TNRC6B: variants seen among roughly 807,000 people sequenced by gnomAD.
TNRC6B encodes the protein trinucleotide repeat-containing gene 6B protein.
In TNRC6B, 52 loss-of-function variants were observed where a neutral mutation model predicts 203.6. The ratio of observed to expected loss-of-function variants is 0.26; its 90% confidence interval spans 0.20 to 0.32. The LOEUF (loss-of-function observed/expected upper bound fraction) is 0.32, where lower values mean the gene tolerates loss of function less well. Ranked by LOEUF, TNRC6B falls within the 10% of genes least tolerant of loss-of-function variation. The pLI is 1.00. For synonymous variants in TNRC6B, 838 were observed against 845.7 expected (o/e 0.99, Z 0.16); for missense variants, 1,923 against 2,286.2 (o/e 0.84, Z 3.24).
chr22:40,245,032 T>C (rs1212272940), intron 1 of TNRC6B, among the ~76,000 whole-genome samples: 3 of 152,242 alleles, frequency 2.0e-5, no homozygotes, highest in African/African-American at 4.8e-5. Context: ...TTAATTCATG[T>C]GTACGGGAAG....
chr22:40,064,729 GC>G (rs2067881332), intron 1 of TNRC6B, among the ~76,000 whole-genome samples: 1 of 150,974 alleles, frequency 6.6e-6, no homozygotes, highest in Non-Finnish European at 1.5e-5. Context: ...CAATTCTCCT[GC>G]CTCAGCCTCC....
chr22:40,211,444 C>T (rs747408399), intron 1 of TNRC6B, among the ~76,000 whole-genome samples: 1 of 152,036 alleles, frequency 6.6e-6, no homozygotes, highest in Non-Finnish European at 1.5e-5. Context: ...CATGCCTGAA[C>T]TATTCTAGTA....
At chr22:40,274,258 T>C (rs1033437230) in intron 7 of TNRC6B, among the ~76,000 whole-genome samples, 1 of 152,102 alleles carries the variant, frequency 6.6e-6, no homozygotes, top group Non-Finnish European at 1.5e-5. Flanking sequence ...CATAGATATG[T>C]AGGAGGGAAT....
intron 21 of TNRC6B, among the ~76,000 whole-genome samples, chr22:40,318,742 G>A (rs1218334930): frequency 6.6e-6 from 1 of 151,984 alleles, no homozygotes; most frequent in African/African-American, 2.4e-5. Context: ...AAGAAGCCTG[G>A]GCAGGCCAAT....
intron 1 of TNRC6B, among the ~76,000 whole-genome samples, chr22:40,180,003 A>G (rs898434377): frequency 2.0e-5 from 3 of 152,212 alleles, no homozygotes; most frequent in Admixed American, 6.6e-5. Flanking sequence ...GATTCACTGT[A>G]AATTTTTTGA....
intron 4 of TNRC6B, among the ~76,000 whole-genome samples, chr22:40,164,565 C>T (rs996954488): frequency 1.3e-5 from 2 of 150,908 alleles, no homozygotes; most frequent in Non-Finnish European, 2.9e-5. Context: ...GAGTCCAAGA[C>T]CAGCCTGACC....
chr22:40,237,618 G>A (rs1460947667), intron 1 of TNRC6B, among the ~76,000 whole-genome samples: 1 of 152,036 alleles, frequency 6.6e-6, no homozygotes, highest in African/African-American at 2.4e-5. Flanking sequence ...AGGAAGAAGT[G>A]GGGGTAGCCA....
intron 15 of TNRC6B, 97 bp downstream of exon 15, chr22:40,301,430 C>A: frequency 7.8e-7 from 1 of 1,279,268 alleles, no homozygotes; most frequent in Non-Finnish European, 1.1e-6. Flanking sequence ...TTTATGTCAG[C>A]TGTACAAGGT....
At chr22:40,290,846 G>A (rs1412528881) in intron 12 of TNRC6B, among the ~76,000 whole-genome samples, 1 of 152,210 alleles carries the variant, frequency 6.6e-6, no homozygotes. Flanking sequence ...ATATCAGAGT[G>A]ATTTCAAAAG....
intron 7 of TNRC6B, among the ~76,000 whole-genome samples, chr22:40,274,249 A>G (rs1601479520): frequency 6.6e-6 from 1 of 152,060 alleles, no homozygotes; most frequent in African/African-American, 2.4e-5. Flanking sequence ...GTAAATCCCC[A>G]TAGATATGTA....
chr22:40,180,783 C>G (rs750861637), intron 1 of TNRC6B, among the ~76,000 whole-genome samples: 2 of 152,122 alleles, frequency 1.3e-5, no homozygotes, highest in African/African-American at 2.4e-5. Context: ...GAGCAATATC[C>G]AGGGGTGCTG....
At chr22:40,282,242 A>G (rs180829430) in intron 11 of TNRC6B, among the ~76,000 whole-genome samples, 104 of 152,334 alleles carry the variant, frequency 6.8e-4, no homozygotes, top group Non-Finnish European at 1.2e-3. Flanking sequence ...ATGTGAAGCA[A>G]TACCTCTGAC....
At chr22:40,143,168 G>A (rs1017589199) in intron 3 of TNRC6B, among the ~76,000 whole-genome samples, 6 of 152,206 alleles carry the variant, frequency 3.9e-5, no homozygotes, top group African/African-American at 1.2e-4. Context: ...AGTGGCTCAT[G>A]CCTATAATCC....
chr22:40,226,138 C>T (rs1044792927), intron 1 of TNRC6B, among the ~76,000 whole-genome samples: 4 of 152,178 alleles, frequency 2.6e-5, no homozygotes, highest in African/African-American at 9.7e-5. Flanking sequence ...CAGAAATATA[C>T]ATTTTCGTCA....
intron 1 of TNRC6B, chr22:40,107,104 AACAAAT>A: frequency 1.5e-6 from 1 of 656,104 alleles, no homozygotes; most frequent in South Asian, 1.8e-5. Context: ...TCTTTTGATG[AACAAAT>A]ACTCTTAATT....
At chr22:40,312,788 T>G in intron 18 of TNRC6B, 114 bp from the exon 19 acceptor site, 1 of 1,469,490 alleles carries the variant, frequency 6.8e-7, no homozygotes, top group Non-Finnish European at 9.4e-7. Context: ...CTTTTATTTG[T>G]TAGACATATT....
At chr22:40,279,135 C>A (rs2070691557) in intron 9 of TNRC6B, among the ~76,000 whole-genome samples, 2 of 152,194 alleles carry the variant, frequency 1.3e-5, no homozygotes, top group Admixed American at 1.3e-4. Flanking sequence ...AGTTGCCAGT[C>A]CTGTCTGTAC....
upstream of TNRC6B, among the ~76,000 whole-genome samples, chr22:40,175,361 T>A (rs1053654506): frequency 8.6e-5 from 13 of 151,806 alleles, no homozygotes; most frequent in Admixed American, 3.9e-4. Context: ...TGTCTCAAAA[T>A]ATATATATAT....
intron 1 of TNRC6B, among the ~76,000 whole-genome samples, chr22:40,109,879 A>C (rs2068318071): frequency 6.6e-6 from 1 of 152,198 alleles, no homozygotes; most frequent in African/African-American, 2.4e-5. Context: ...GCCCCTGAAA[A>C]AGGGGATCAG....
Sources: allele counts gnomAD v4.1 joint callset (sites outside exome capture counted in the v4.1 genomes callset), GRCh38; gene constraint gnomAD v4.1.1; transcripts MANE v1.5; gene names NCBI Gene and HGNC (gene_info 2026-07-23, HGNC 2026-07-21).